The following PLA2G4A variants were observed in gnomAD, a reference collection of about 807,000 sequenced individuals.
PLA2G4A encodes cytosolic phospholipase A2.
Under a neutral mutation model 81.9 loss-of-function variants are expected in PLA2G4A, and 40 were observed. That is an observed-to-expected ratio of 0.49 (90% confidence interval 0.38 to 0.64). The LOEUF is 0.64. Among genes scored for constraint, PLA2G4A ranks in the 30% least tolerant of loss-of-function variants. PLA2G4A has a pLI of 0.00. For synonymous variants in PLA2G4A, 302 were observed against 296.9 expected (o/e 1.02, Z -0.18); for missense variants, 715 against 905.1 (o/e 0.79, Z 2.69).
intron 2 of PLA2G4A, among the ~76,000 whole-genome samples, chr1:186,854,614 A>G (rs558573179): frequency 3.9e-5 from 6 of 152,088 alleles, no homozygotes; most frequent in African/African-American, 1.4e-4. Context: ...AAAGGAAAAA[A>G]ATACCCAAAC....
chr1:186,850,199 A>G (rs932132079), intron 1 of PLA2G4A, among the ~76,000 whole-genome samples: 3 of 152,158 alleles, frequency 2.0e-5, no homozygotes, highest in African/African-American at 7.2e-5. Flanking sequence ...ACTTACTTCT[A>G]TATTTTAAAT....
At chr1:186,899,800 G>A (rs1013235851) in intron 5 of PLA2G4A, among the ~76,000 whole-genome samples, 2 of 152,154 alleles carry the variant, frequency 1.3e-5, no homozygotes, top group African/African-American at 4.8e-5. Context: ...AAAGGTGGGT[G>A]CAGCTTACCA....
At chr1:186,953,812 A>G (rs1393558113) in intron 13 of PLA2G4A, among the ~76,000 whole-genome samples, 1 of 152,188 alleles carries the variant, frequency 6.6e-6, no homozygotes, top group Non-Finnish European at 1.5e-5. Context: ...CTGGTATGGA[A>G]GTGAGGGCTT....
intron 8 of PLA2G4A, among the ~76,000 whole-genome samples, chr1:186,933,913 C>T (rs1420081599): frequency 1.3e-5 from 2 of 152,114 alleles, no homozygotes; most frequent in East Asian, 3.8e-4. Context: ...ATATATTTTA[C>T]AGGGAATTTC....
At chr1:186,973,717 T>G (rs1657437518) in intron 15 of PLA2G4A, among the ~76,000 whole-genome samples, 1 of 152,240 alleles carries the variant, frequency 6.6e-6, no homozygotes, top group Non-Finnish European at 1.5e-5. Context: ...TAGAAAATTA[T>G]TTTCATGCCT....
At chr1:186,976,765 T>G (rs1014147337) in intron 15 of PLA2G4A, among the ~76,000 whole-genome samples, 1 of 152,250 alleles carries the variant, frequency 6.6e-6, no homozygotes, top group Non-Finnish European at 1.5e-5. Flanking sequence ...AATTTAATTT[T>G]GGGGGTGCTT....
intron 15 of PLA2G4A, among the ~76,000 whole-genome samples, chr1:186,967,040 G>T (rs551233747): frequency 6.6e-6 from 1 of 152,064 alleles, no homozygotes; most frequent in Admixed American, 6.6e-5. Flanking sequence ...ATAAGAAGTG[G>T]CAATTCATAA....
chr1:186,978,721 T>C (rs924966366), intron 16 of PLA2G4A, among the ~76,000 whole-genome samples: 3 of 152,206 alleles, frequency 2.0e-5, no homozygotes, highest in African/African-American at 7.2e-5. Flanking sequence ...AATGTTTTAG[T>C]TTGGGTTCTC....
intron 7 of PLA2G4A, among the ~76,000 whole-genome samples, chr1:186,929,639 C>T (rs964652855): frequency 2.6e-4 from 39 of 152,180 alleles, no homozygotes; most frequent in African/African-American, 8.9e-4. Flanking sequence ...TTTGGAGAGA[C>T]AAAGTAGAGC....
intron 15 of PLA2G4A, among the ~76,000 whole-genome samples, chr1:186,970,484 A>C: frequency 6.6e-6 from 1 of 152,034 alleles, no homozygotes; most frequent in Non-Finnish European, 1.5e-5. Flanking sequence ...CTTTGCCCAG[A>C]TCAGTGTCCT....
intron 14 of PLA2G4A, among the ~76,000 whole-genome samples, chr1:186,963,541 G>A (rs1247952771): frequency 2.6e-5 from 4 of 152,020 alleles, no homozygotes; most frequent in Non-Finnish European, 4.4e-5. Flanking sequence ...TTACCTTATC[G>A]TTGTCTTTAA....
intron 1 of PLA2G4A, among the ~76,000 whole-genome samples, chr1:186,847,820 C>G (rs1163534994): frequency 6.6e-6 from 1 of 151,954 alleles, no homozygotes; most frequent in East Asian, 1.9e-4. Flanking sequence ...TTTAAAGAGA[C>G]CACTGAGAAC....
chr1:186,897,276 C>T (rs1036165720), intron 5 of PLA2G4A, among the ~76,000 whole-genome samples: 4 of 152,140 alleles, frequency 2.6e-5, no homozygotes, highest in Admixed American at 1.3e-4. Context: ...ATTCCCAGAG[C>T]CCTGCTTTAT....
At chr1:186,889,608 C>A (rs1654062366) in intron 3 of PLA2G4A, among the ~76,000 whole-genome samples, 1 of 152,206 alleles carries the variant, frequency 6.6e-6, no homozygotes, top group African/African-American at 2.4e-5. Context: ...AGGAGCAATA[C>A]TGAACAATTA....
intron 1 of PLA2G4A, among the ~76,000 whole-genome samples, chr1:186,831,131 GC>G (rs1651572934): frequency 6.6e-6 from 1 of 151,356 alleles, no homozygotes; most frequent in Non-Finnish European, 1.5e-5. Context: ...CTAGAATAAT[GC>G]ACATTATGCC....
chr1:186,948,846 A>G (rs1016435322), intron 12 of PLA2G4A, among the ~76,000 whole-genome samples: 9 of 152,158 alleles, frequency 5.9e-5, no homozygotes, highest in Admixed American at 2.0e-4. Flanking sequence ...AGCAGGAAGC[A>G]TGTTACCTCA....
chr1:186,941,995 A>G (rs1656171365), intron 10 of PLA2G4A, among the ~76,000 whole-genome samples: 1 of 152,186 alleles, frequency 6.6e-6, no homozygotes, highest in African/African-American at 2.4e-5. Context: ...ACATTTTAAC[A>G]ATTTAGAATG....
chr1:186,962,921 C>T (rs1418453652), intron 14 of PLA2G4A, among the ~76,000 whole-genome samples: 2 of 152,160 alleles, frequency 1.3e-5, no homozygotes, highest in Non-Finnish European at 1.5e-5. Flanking sequence ...GGGCTTAGAC[C>T]TTGTGAACCT....
At chr1:186,985,867 G>T (rs1486839540) in intron 17 of PLA2G4A, among the ~76,000 whole-genome samples, 1 of 152,110 alleles carries the variant, frequency 6.6e-6, no homozygotes, top group Non-Finnish European at 1.5e-5. Context: ...CATTTAAGAT[G>T]ACTTCTTGTA....
Sources: allele counts gnomAD v4.1 joint callset (sites outside exome capture counted in the v4.1 genomes callset), GRCh38; gene constraint gnomAD v4.1.1; transcripts MANE v1.5; gene names NCBI Gene and HGNC (gene_info 2026-07-23, HGNC 2026-07-21).